Variants in PARD3B observed in about 807,000 individuals in gnomAD.
PARD3B encodes the protein par-3 family cell polarity regulator beta, also known as partitioning defective 3 homolog B.
Under a neutral mutation model 130.2 loss-of-function variants are expected in PARD3B, and 103 were observed. That is an observed-to-expected ratio of 0.79 (90% confidence interval 0.67 to 0.93). The LOEUF (loss-of-function observed/expected upper bound fraction) is 0.93, where lower values mean the gene tolerates loss of function less well. PARD3B is among the 40% of genes least tolerant of loss of function. The pLI, the probability that PARD3B is intolerant of heterozygous loss-of-function variation, is 0.00. For missense variants in PARD3B, 1,609 were observed against 1,499.2 expected (o/e 1.07, Z -1.21); for synonymous variants, 583 against 553.2 (o/e 1.05, Z -0.76).
intron 16 of PARD3B, among the ~76,000 whole-genome samples, chr2:205,278,617 CT>C (rs888586478): frequency 2.0e-5 from 3 of 152,158 alleles, no homozygotes; most frequent in African/African-American, 2.4e-5. Flanking sequence ...TTGCTGAGCA[CT>C]CGAGAGACTT....
chr2:205,405,944 G>T lies in PARD3B; in HGVS notation c.2741+4821G>T, dbSNP rs184704307. Among the ~76,000 whole-genome samples, 1 of 152,270 alleles carries T rather than the reference G, an allele frequency of 6.6e-6. No homozygotes were observed. Among genetic ancestry groups the T allele is most frequent in the East Asian group, 1.9e-4 (1 of 5,184 alleles). On this transcript the variant is annotated intron_variant, in intron 19 of 22. Transcript: ENST00000406610. The surrounding 1 kb of genome is among the most constrained non-coding windows in gnomAD (Gnocchi z 4.1). The stretch of plus-strand genomic sequence containing the variant: ...ATATGCCTGCCAAAAGCTTAATCTG[G>T]TCCTAAGCTACATTACTGGAAGTTC...
At chr2:204,819,284 G>A (rs1194282130) in intron 2 of PARD3B, among the ~76,000 whole-genome samples, 1 of 152,074 alleles carries the variant, frequency 6.6e-6, no homozygotes, top group Non-Finnish European at 1.5e-5. Context: ...TAACATTTTG[G>A]TTATTCTTGC....
At chr2:205,450,618 C>T (rs1237781995) in intron 20 of PARD3B, among the ~76,000 whole-genome samples, 7 of 151,738 alleles carry the variant, frequency 4.6e-5, no homozygotes, top group South Asian at 2.1e-4. Context: ...GGATTACAGG[C>T]GCCTGCCACC....
intron 3 of PARD3B, among the ~76,000 whole-genome samples, chr2:205,001,800 T>TGTTCCAGGC (rs1694855637): frequency 6.6e-6 from 1 of 152,190 alleles, no homozygotes; most frequent in Admixed American, 6.5e-5. Flanking sequence ...GGTGGAAAGT[T>TGTTCCAGGC]GTTCCAGGCT....
At chr2:205,411,455 T>C (rs2046595171) in intron 19 of PARD3B, among the ~76,000 whole-genome samples, 1 of 152,210 alleles carries the variant, frequency 6.6e-6, no homozygotes, top group Admixed American at 6.5e-5. Flanking sequence ...TGAACAAACT[T>C]ATCTGCTTCA....
chr2:204,618,329 C>G (rs953993870), intron 1 of PARD3B, among the ~76,000 whole-genome samples: 6 of 152,060 alleles, frequency 3.9e-5, no homozygotes, highest in African/African-American at 1.2e-4. Flanking sequence ...GATTGGAAAC[C>G]CATATCTGCC....
At chr2:205,040,350 T>A (rs1358474032) in intron 3 of PARD3B, among the ~76,000 whole-genome samples, 4 of 152,180 alleles carry the variant, frequency 2.6e-5, no homozygotes, top group Non-Finnish European at 4.4e-5. Context: ...TCCTCCGTGC[T>A]CATTTAGCCA....
At chr2:205,006,663 G>GT (rs1175627403) in intron 3 of PARD3B, among the ~76,000 whole-genome samples, 1 of 151,946 alleles carries the variant, frequency 6.6e-6, no homozygotes, top group Admixed American at 6.6e-5. Flanking sequence ...GGGATTATTT[G>GT]TTTTCTTCTT....
At chr2:205,482,609 G>C (rs1014306015) in intron 20 of PARD3B, 1 of 152,480 alleles carries the variant, frequency 6.6e-6, no homozygotes, top group South Asian at 2.1e-4. Flanking sequence ...GCCTCCCCAG[G>C]CGGGGGTGGG....
chr2:204,874,398 T>C (rs913872342), intron 2 of PARD3B, among the ~76,000 whole-genome samples: 2 of 152,136 alleles, frequency 1.3e-5, no homozygotes, highest in African/African-American at 4.8e-5. Context: ...TGAAATAAGT[T>C]TTGGTGCTTA....
intron 15 of PARD3B, among the ~76,000 whole-genome samples, chr2:205,220,077 T>A (rs1311798639): frequency 1.3e-5 from 2 of 152,158 alleles, no homozygotes; most frequent in Non-Finnish European, 2.9e-5. Context: ...TTCCTGTATT[T>A]GGGTTCAAAA....
intron 10 of PARD3B, among the ~76,000 whole-genome samples, chr2:205,132,423 C>T (rs1466853114): frequency 6.6e-6 from 1 of 152,020 alleles, no homozygotes; most frequent in Non-Finnish European, 1.5e-5. Flanking sequence ...TTTTTCTTCC[C>T]CTACTCTCTA....
intron 2 of PARD3B, among the ~76,000 whole-genome samples, chr2:204,848,082 TAC>T (rs2125600034): frequency 6.6e-6 from 1 of 152,340 alleles, no homozygotes; most frequent in Non-Finnish European, 1.5e-5. Flanking sequence ...TAAGTTTTAT[TAC>T]AGTGTATTGT....
intron 2 of PARD3B, among the ~76,000 whole-genome samples, chr2:204,925,134 T>A (rs1371821996): frequency 6.6e-6 from 1 of 152,032 alleles, no homozygotes; most frequent in African/African-American, 2.4e-5. Flanking sequence ...AACCCATAGC[T>A]GATGCAGATG....
At chr2:204,657,838 G>A (rs1388819412) in intron 1 of PARD3B, among the ~76,000 whole-genome samples, 1 of 152,140 alleles carries the variant, frequency 6.6e-6, no homozygotes, top group African/African-American at 2.4e-5. Flanking sequence ...AACCATGGTT[G>A]CATGCAAGTG....
chr2:205,238,835 C>CAA (rs71879579), intron 15 of PARD3B, among the ~76,000 whole-genome samples: 9,196 of 25,306 alleles, frequency 0.36, 2,217 homozygotes, highest in East Asian at 0.47. Context: ...AACTCCGTTT[C>CAA]AAAAAAAAAA....
At chr2:205,226,320 A>C (rs567288086) in intron 15 of PARD3B, among the ~76,000 whole-genome samples, 1 of 152,040 alleles carries the variant, frequency 6.6e-6, no homozygotes, top group Non-Finnish European at 1.5e-5. Context: ...GATCACAGGC[A>C]TGAGCCACCA....
intron 10 of PARD3B, among the ~76,000 whole-genome samples, chr2:205,135,932 G>T (rs1490372822): frequency 6.6e-6 from 1 of 152,038 alleles, no homozygotes; most frequent in Non-Finnish European, 1.5e-5. Flanking sequence ...TCTTTAAAAA[G>T]AATGTTTTAT....
chr2:204,648,626 TTATATATAATATATATTA>T (rs1222408472), intron 1 of PARD3B, among the ~76,000 whole-genome samples: 1 of 120,026 alleles, frequency 8.3e-6, no homozygotes, highest in Non-Finnish European at 1.6e-5. Flanking sequence ...ATACTATAAT[TTATATATAATATATATTA>T]TATATATAAT....
Sources: gnomAD v4.1 joint callset for allele counts (sites outside exome capture counted in the v4.1 genomes callset) on GRCh38, gnomAD v4.1.1 for gene constraint, Gnocchi (gnomAD v3.1) non-coding constraint, MANE v1.5 for transcripts, NCBI Gene and HGNC (gene_info 2026-07-23, HGNC 2026-07-21) for gene names.